The following JOSD1 variants were observed in gnomAD, a reference collection of about 807,000 sequenced individuals.
The protein encoded by JOSD1 is Josephin domain containing 1, also known as josephin-1.
In JOSD1, 11 loss-of-function variants were observed where a neutral mutation model predicts 24.3. The ratio of observed to expected loss-of-function variants is 0.45; its 90% CI spans 0.29 to 0.75. JOSD1 has a LOEUF of 0.75. JOSD1 is among the 30% of genes least tolerant of loss of function. JOSD1 has a pLI of 0.11. For synonymous variants in JOSD1, 106 were observed against 93.8 expected, an observed-to-expected ratio of 1.13 and a Z score of -0.75; for missense variants, 184 against 253.5, an observed-to-expected ratio of 0.73 and a Z score of 1.86.
chr22:38,695,594 G>A (rs868225481), intron 2 of JOSD1, among the ~76,000 whole-genome samples: 8 of 151,882 alleles, frequency 5.3e-5, no homozygotes, highest in Middle Eastern at 3.4e-3. Flanking sequence ...CTACAGGCGC[G>A]AGCCCCCATG....
chr22:38,700,302 C>T lies in JOSD1; in HGVS notation c.-315G>A, dbSNP rs998106571. The T allele has an allele frequency of 9.6e-7, 1 of 1,037,558 alleles. No homozygotes were observed. Among genetic ancestry groups the T allele is most frequent in the Admixed American group, 5.0e-5 (1 of 19,934 alleles). The allele number at this position is 1,037,558 out of a possible 1,614,324, so 64.3% of individuals were successfully genotyped here. A position where few individuals can be genotyped will look rare whatever the true frequency, so the allele number is the denominator to read the frequency against. On this transcript the variant is annotated 5_prime_UTR_variant, in exon 2 of 5. Coordinates refer to ENST00000683374, the MANE Select transcript of JOSD1 (RefSeq NM_001360236.2). ...TTTCCCCACCCTTCCCTCCCACCCCCCTCCAAAATCCCCACGATTTTCTTG... is the reference window on the plus strand; with the variant it reads ...TTTCCCCACCCTTCCCTCCCACCCCTCTCCAAAATCCCCACGATTTTCTTG...
At chr22:38,696,013 G>A (rs1047732719) in intron 2 of JOSD1, among the ~76,000 whole-genome samples, 2 of 152,032 alleles carry the variant, frequency 1.3e-5, no homozygotes, top group South Asian at 2.1e-4. Context: ...CCCAGATCAC[G>A]CCACTGCAAT....
At chr22:38,701,220 G>C (rs2092569453), upstream of JOSD1, 1 of 153,778 alleles carries the variant, frequency 6.5e-6, no homozygotes, top group African/African-American at 2.4e-5. Flanking sequence ...GCTCCGCTCG[G>C]CGCGGCCCCT....
chr22:38,688,236 A>T (rs1176058586), intron 4 of JOSD1, among the ~76,000 whole-genome samples: 2 of 152,120 alleles, frequency 1.3e-5, no homozygotes, highest in African/African-American at 4.8e-5. Flanking sequence ...ATCTGTGAAT[A>T]ACAGTACCCA....
At position 38,688,017 on chromosome 22, in the gene JOSD1, T is replaced by TA; in HGVS notation, c.510-17dup. 1 of 1,588,362 alleles carries TA rather than the reference T, an allele frequency of 6.3e-7. No individual in the cohort carries two copies. The highest frequency in any genetic ancestry group is 8.6e-7 in the Non-Finnish European group (1 of 1,156,760). The stretch of plus-strand genomic sequence containing the variant: ...TAGAAACTTCCTATGGAAAAAGAGA[T>TA]AGAGAAAATGAAATGCTGGCAAGTT... On this transcript the variant is annotated splice_polypyrimidine_tract_variant and intron_variant, in intron 4 of 4. Coordinates refer to ENST00000683374, the MANE Select transcript of JOSD1 (RefSeq NM_001360236.2).
chr22:38,691,329 C>T (rs2092521024), intron 2 of JOSD1, among the ~76,000 whole-genome samples: 1 of 151,010 alleles, frequency 6.6e-6, no homozygotes, highest in Admixed American at 6.6e-5. Context: ...TGCACTCCAG[C>T]CTGGGTGATA....
Position 38,687,734 on chromosome 22 carries a change from G to A in JOSD1, c.*168C>T. ...TCCTTGCCCAGGAACAAAACACTGA[G>A]TAGTTCTTATAACAGTCCACACGTC... On this transcript the variant is annotated 3_prime_UTR_variant, in exon 5 of 5. Transcript: ENST00000683374. 1.7e-6 allele frequency: 1 copy of A among 591,824 alleles called. No individual in the cohort carries two copies. 36.7% of individuals were successfully genotyped at this position (591,824 alleles called of 1,614,324 possible). A position where few individuals can be genotyped will look rare whatever the true frequency, so the allele number is the denominator to read the frequency against.
chr22:38,688,053 G>A (rs1569262535), intron 4 of JOSD1, 52 bp from the exon 5 acceptor site: 1 of 1,316,004 alleles, frequency 7.6e-7, no homozygotes, highest in East Asian at 2.3e-5. Context: ...GCAAATTCCA[G>A]TCTCAGGACC....
chr22:38,697,968 G>C (rs902604284), intron 2 of JOSD1, among the ~76,000 whole-genome samples: 5 of 152,226 alleles, frequency 3.3e-5, no homozygotes, highest in African/African-American at 1.2e-4. Flanking sequence ...GTGAAACTGG[G>C]CAAATCGCCT....
At chr22:38,696,817 T>C (rs764472878) in intron 2 of JOSD1, among the ~76,000 whole-genome samples, 3 of 152,200 alleles carry the variant, frequency 2.0e-5, no homozygotes, top group Non-Finnish European at 4.4e-5. Flanking sequence ...TCATCTCACA[T>C]CCACAACTCT....
intron 2 of JOSD1, among the ~76,000 whole-genome samples, chr22:38,692,510 G>C (rs2092527180): frequency 6.6e-6 from 1 of 152,138 alleles, no homozygotes; most frequent in African/African-American, 2.4e-5. Context: ...CAGGTGCAGT[G>C]GCTCACGCCT....
At chr22:38,688,283 A>G (rs1238358227) in intron 4 of JOSD1, among the ~76,000 whole-genome samples, 1 of 152,164 alleles carries the variant, frequency 6.6e-6, no homozygotes, top group Non-Finnish European at 1.5e-5. Flanking sequence ...TTGTTTGGAG[A>G]CGGAGTTTCG....
Position 38,700,580 on chromosome 22 carries a change from C to T in JOSD1, c.-593G>A, listed in dbSNP as rs866249197. 26 of 985,178 alleles carry T rather than the reference C, an allele frequency of 2.6e-5. No individual in the cohort carries two copies. Among genetic ancestry groups the T allele is most frequent in the African/African-American group, 8.7e-5 (5 of 57,230 alleles). The allele number at this position is 985,178 out of a possible 1,614,324, so 61.0% of individuals were successfully genotyped here. A position where few individuals can be genotyped will look rare whatever the true frequency, so the allele number is the denominator to read the frequency against. On this transcript the variant is annotated 5_prime_UTR_variant, in exon 2 of 5. Coordinates refer to ENST00000683374, the MANE Select transcript of JOSD1 (RefSeq NM_001360236.2). ...ACGGTGGGGCCCGCAGGGCGCGGCT[C>T]CCTCGGAAGGCGCGGATTCTAGCCC...
chr22:38,691,799 C>A (rs1027843199), intron 2 of JOSD1, among the ~76,000 whole-genome samples: 1 of 152,174 alleles, frequency 6.6e-6, no homozygotes, highest in African/African-American at 2.4e-5. Flanking sequence ...TTCTCCCAGT[C>A]ACTACCTCAC....
Position 38,687,358 on chromosome 22 carries a change from C to G in JOSD1, c.*544G>C, listed in dbSNP as rs1334209486. ...AAAACCTCCACGTATGGCCATAAAC[C>G]ACCCTTAAACCTGGGGATAAGGGTT... is the stretch of plus-strand genomic sequence containing the variant. On this transcript the variant is annotated 3_prime_UTR_variant, in exon 5 of 5. Coordinates refer to ENST00000683374, the MANE Select transcript of JOSD1 (RefSeq NM_001360236.2). 2 of 152,820 alleles carry G rather than the reference C, an allele frequency of 1.3e-5. No homozygotes were observed. The highest frequency in any genetic ancestry group is 2.9e-5 in the Non-Finnish European group (2 of 68,576). The allele number at this position is 152,820 out of a possible 1,614,324, so 9.5% of individuals were successfully genotyped here.
At position 38,685,619 on chromosome 22, in the gene JOSD1, T is replaced by C. The variant is rs530439339; in HGVS notation, c.*2283A>G. The C allele has an allele frequency of 2.0e-5, 3 of 152,622 alleles. No individual in the cohort carries two copies. Among genetic ancestry groups the C allele is most frequent in the African/African-American group, 4.8e-5 (2 of 41,476 alleles). 9.5% of individuals were successfully genotyped at this position (152,622 alleles called of 1,614,324 possible). A position where few individuals can be genotyped will look rare whatever the true frequency, so the allele number is the denominator to read the frequency against. On this transcript the variant is annotated 3_prime_UTR_variant, in exon 5 of 5. Coordinates refer to ENST00000683374, the MANE Select transcript of JOSD1 (RefSeq NM_001360236.2). ...GAATTCAGGCAGACAAGGAGACATA[T>C]ATGGAGTTTTCCATTTTTAATATTT...
At chr22:38,692,630 A>T (rs1348650397) in intron 2 of JOSD1, among the ~76,000 whole-genome samples, 1 of 151,786 alleles carries the variant, frequency 6.6e-6, no homozygotes, top group Non-Finnish European at 1.5e-5. Context: ...AATACAAAAA[A>T]ATTAGCCAGG....
rs867261442 is a variant in JOSD1 at position 38,700,508 on chromosome 22, C to A, written c.-521G>T. ...TAGCGCGGGCCGGCAGGCGTGGGAC[C>A]GCGAGCCGCGCGGGGGCCTCGGGGG... is the stretch of plus-strand genomic sequence containing the variant. On this transcript the variant is annotated 5_prime_UTR_variant, in exon 2 of 5. Coordinates refer to ENST00000683374, the MANE Select transcript of JOSD1 (RefSeq NM_001360236.2). 3.2e-5 allele frequency: 32 copies of A among 985,926 alleles called. 1 individual carries two copies. In the Middle Eastern group the frequency reaches 2.6e-3, roughly 80 times the overall value. The allele number at this position is 985,926 out of a possible 1,614,324, so 61.1% of individuals were successfully genotyped here.
chr22:38,700,381 G>A lies in JOSD1; in HGVS notation c.-394C>T. The A allele has an allele frequency of 1.0e-6, 1 of 992,022 alleles. No individual in the cohort carries two copies. The highest frequency in any genetic ancestry group is 1.7e-5 in the African/African-American group (1 of 57,214). The allele number at this position is 992,022 out of a possible 1,614,324, so 61.5% of individuals were successfully genotyped here. A position where few individuals can be genotyped will look rare whatever the true frequency, so the allele number is the denominator to read the frequency against. On this transcript the variant is annotated 5_prime_UTR_variant, in exon 2 of 5. Transcript: ENST00000683374. ...AAAGCAGGAGGACCGAACACAATCG[G>A]TCACATCGCTCCTTTTCTTCCATTT...
Sources: gnomAD v4.1 joint callset for allele counts (sites outside exome capture counted in the v4.1 genomes callset) on GRCh38, gnomAD v4.1.1 for gene constraint, MANE v1.5 for transcripts, NCBI Gene and HGNC (gene_info 2026-07-23, HGNC 2026-07-21) for gene names.